Variants in MGAT4C observed in about 807,000 individuals in gnomAD.
The protein encoded by MGAT4C is alpha-1,3-mannosyl-glycoprotein 4-beta-N-acetylglucosaminyltransferase C.
A neutral mutation model predicts 40.1 loss-of-function variants in MGAT4C; 19 were observed. The observed-to-expected ratio is 0.47, with a 90% CI of 0.33 to 0.70. The LOEUF (loss-of-function observed/expected upper bound fraction) is 0.70. Ranked by LOEUF, MGAT4C falls within the 30% of genes least tolerant of loss-of-function variation. The probability of loss-of-function intolerance (pLI) is 0.02; values close to 1 mark genes in which losing one functional copy is unlikely to be tolerated. For missense variants in MGAT4C, 491 were observed against 563.2 expected, an observed-to-expected ratio of 0.87 and a Z score of 1.30; for synonymous variants, 181 against 187.1, an observed-to-expected ratio of 0.97 and a Z score of 0.27.
intron 4 of MGAT4C, among the ~76,000 whole-genome samples, chr12:86,292,441 C>CTT (rs5799775): frequency 3.4e-4 from 50 of 148,378 alleles, no homozygotes; most frequent in Admixed American, 4.7e-4. Flanking sequence ...AACCCTACTA[C>CTT]TTTTTTTTTT....
At chr12:86,822,119 C>T (rs1450219405) in intron 1 of MGAT4C, among the ~76,000 whole-genome samples, 5 of 150,794 alleles carry the variant, frequency 3.3e-5, no homozygotes, top group Non-Finnish European at 5.9e-5. Context: ...TTGTTATCAG[C>T]TTAAAATATA....
At chr12:86,633,373 T>C (rs771932095) in intron 2 of MGAT4C, among the ~76,000 whole-genome samples, 3 of 152,138 alleles carry the variant, frequency 2.0e-5, no homozygotes, top group Admixed American at 6.6e-5. Context: ...GAATTTGTCA[T>C]GAGAAACTGC....
In MGAT4C at chr12:86,049,699, G is replaced by C. The variant is rs1892717459; in HGVS notation, c.-32C>G. On this transcript the variant is annotated 5_prime_UTR_variant, in exon 2 of 5. Coordinates refer to ENST00000611864, the MANE Select transcript of MGAT4C (RefSeq NM_001351288.2). ...CTTAAGAAAGACGCTGTCATAATCT[G>C]TGCTGTACAGAAACCGTTGATACCC... is the stretch of plus-strand genomic sequence containing the variant. 1 of 983,616 alleles carries C rather than the reference G, an allele frequency of 1.0e-6. No individual in the cohort carries two copies. Among genetic ancestry groups the C allele is most frequent in the Admixed American group, 6.2e-5 (1 of 16,200 alleles). 60.9% of individuals were successfully genotyped at this position (983,616 alleles called of 1,614,324 possible). A position where few individuals can be genotyped will look rare whatever the true frequency, so the allele number is the denominator to read the frequency against.
At chr12:86,377,665 T>A (rs1471037397) in intron 3 of MGAT4C, among the ~76,000 whole-genome samples, 27 of 152,192 alleles carry the variant, frequency 1.8e-4, no homozygotes, top group Non-Finnish European at 4.4e-5. Context: ...ATTTAATATT[T>A]TCCTTTTCTA....
chr12:86,213,081 C>T (rs973952441), intron 1 of MGAT4C, among the ~76,000 whole-genome samples: 1 of 151,906 alleles, frequency 6.6e-6, no homozygotes. Context: ...TTTCCTTTAC[C>T]AACTCAATAG....
chr12:86,245,744 T>C (rs942886363), intron 1 of MGAT4C, among the ~76,000 whole-genome samples: 6 of 152,218 alleles, frequency 3.9e-5, no homozygotes, highest in Admixed American at 2.0e-4. Flanking sequence ...TTTCAAACTA[T>C]TTTGGAAAGA....
chr12:86,031,830 C>T (rs11117162), intron 2 of MGAT4C, among the ~76,000 whole-genome samples: 21,255 of 151,772 alleles, frequency 0.14, 1,857 homozygotes, highest in Non-Finnish European at 0.2. Flanking sequence ...AATTGTGTGT[C>T]TCTGGGGTTT....
chr12:86,146,037 AC>A (rs1328318565), intron 1 of MGAT4C, among the ~76,000 whole-genome samples: 2 of 152,206 alleles, frequency 1.3e-5, no homozygotes, highest in African/African-American at 4.8e-5. Context: ...TATGTTGCAG[AC>A]ATTCCTTTTG....
chr12:86,058,167 G>A (rs1340708209), intron 1 of MGAT4C, among the ~76,000 whole-genome samples: 2 of 152,018 alleles, frequency 1.3e-5, no homozygotes, highest in Non-Finnish European at 1.5e-5. Flanking sequence ...CCAGAAAACT[G>A]TAATATTATT....
In MGAT4C at chr12:86,178,158, G is replaced by C. The variant is rs572385859; in HGVS notation, c.-57+78081C>G. 6.6e-5 allele frequency among the ~76,000 whole-genome samples: 10 copies of C among 152,250 alleles called. No individual in the cohort carries two copies. The East Asian group carries it at 7.7e-4, about 12-fold the overall frequency. ...TCACCGTGTTAGCCAGGATGGTCTT[G>C]ATCTCCTGACCTTGTGATCCGCCCG... On this transcript the variant is annotated intron_variant, in intron 1 of 4. Coordinates refer to ENST00000611864, the MANE Select transcript of MGAT4C (RefSeq NM_001351288.2).
chr12:86,237,022 A>ATG (rs1356705805), intron 1 of MGAT4C, among the ~76,000 whole-genome samples: 2 of 150,682 alleles, frequency 1.3e-5, no homozygotes, highest in African/African-American at 4.9e-5. Flanking sequence ...ATATATATAT[A>ATG]TGTGTATTCC....
At chr12:86,459,636 C>T (rs999902158) in intron 2 of MGAT4C, among the ~76,000 whole-genome samples, 1 of 151,136 alleles carries the variant, frequency 6.6e-6, no homozygotes. Flanking sequence ...CCTGGTAATA[C>T]GCTGAGAAAA....
chr12:86,615,635 G>C (rs1962424022), intron 2 of MGAT4C, among the ~76,000 whole-genome samples: 1 of 152,020 alleles, frequency 6.6e-6, no homozygotes, highest in South Asian at 2.1e-4. Flanking sequence ...AACAGAGCTG[G>C]AGCATCATTG....
intron 2 of MGAT4C, among the ~76,000 whole-genome samples, chr12:85,998,368 T>C (rs2136760311): frequency 6.6e-6 from 1 of 152,322 alleles, no homozygotes; most frequent in South Asian, 2.1e-4. Context: ...TCTTGGTGAT[T>C]ACATTCTGCT....
intron 1 of MGAT4C, among the ~76,000 whole-genome samples, chr12:86,064,787 A>G (rs1048406287): frequency 6.6e-6 from 1 of 152,176 alleles, no homozygotes; most frequent in African/African-American, 2.4e-5. Flanking sequence ...TGGTTTTTTG[A>G]AAAGATCAAC....
intron 2 of MGAT4C, among the ~76,000 whole-genome samples, chr12:86,583,389 A>C (rs1161548819): frequency 6.6e-6 from 1 of 151,374 alleles, no homozygotes; most frequent in Non-Finnish European, 1.5e-5. Context: ...AAAGTAATAA[A>C]GAAAACCATT....
At chr12:86,261,859 C>G (rs1269787457) in intron 4 of MGAT4C, among the ~76,000 whole-genome samples, 1 of 151,992 alleles carries the variant, frequency 6.6e-6, no homozygotes. Context: ...CCTCCCCCAC[C>G]ACATTCATGC....
intron 1 of MGAT4C, among the ~76,000 whole-genome samples, chr12:86,214,123 T>C (rs1304724347): frequency 2.0e-5 from 3 of 152,226 alleles, no homozygotes; most frequent in Admixed American, 6.5e-5. Flanking sequence ...ACACTTCCAA[T>C]TACACTCTGC....
Position 86,307,209 on chromosome 12 carries a change from A to G in MGAT4C, c.-57+26856T>C, listed in dbSNP as rs1202095173. Among the ~76,000 whole-genome samples, 2 of 79,746 alleles carry G rather than the reference A, an allele frequency of 2.5e-5. 1 individual carries two copies. Among genetic ancestry groups the G allele is most frequent in the East Asian group, 8.0e-4 (2 of 2,502 alleles). The allele number at this position is 79,746 out of a possible 152,430, so 52.3% of individuals were successfully genotyped here. The stretch of plus-strand genomic sequence containing the variant: ...GTTCTGCTAAATGTCTGTATTTATT[A>G]TAATAACTGTATTAGATTTGTCTCA... On this transcript the variant is annotated intron_variant, in intron 4 of 7. Coordinates refer to the MGAT4C transcript ENST00000548651.
Sources: gnomAD v4.1 joint callset for allele counts (sites outside exome capture counted in the v4.1 genomes callset) on GRCh38, gnomAD v4.1.1 for gene constraint, MANE v1.5 for transcripts, NCBI Gene and HGNC (gene_info 2026-07-23, HGNC 2026-07-21) for gene names.